The following SCO1 variants were observed in gnomAD, a reference collection of about 807,000 sequenced individuals.
The protein encoded by SCO1 is cytochrome c oxidase assembly factor SCO1.
A neutral mutation model predicts 34.0 loss-of-function variants in SCO1; 23 were observed. The observed-to-expected ratio is 0.68, with a 90% CI of 0.49 to 0.96. SCO1 has a LOEUF of 0.96. Ranked by LOEUF, SCO1 falls within the 40% of genes least tolerant of loss-of-function variation. The pLI, the probability that SCO1 is intolerant of heterozygous loss-of-function variation, is 0.00. For synonymous variants in SCO1, 161 were observed against 145.5 expected, an observed-to-expected ratio of 1.11 and a Z score of -0.77; for missense variants, 404 against 381.6, an observed-to-expected ratio of 1.06 and a Z score of -0.49.
chr17:10,694,180 A>G (rs2074707981), intron 2 of SCO1, among the ~76,000 whole-genome samples: 1 of 152,252 alleles, frequency 6.6e-6, no homozygotes, highest in Non-Finnish European at 1.5e-5. Context: ...AATGACCTGA[A>G]TGAGGAAACA....
At position 10,695,725 on chromosome 17, in the gene SCO1, A is replaced by G; in HGVS notation, c.364+16T>C. On this transcript the variant is annotated intron_variant, in intron 2 of 5. Transcript: ENST00000255390. ...AAGACCTTTATACAGGGCTGAGCAG[A>G]TGATAATCTACTTACTCTCTGCCTT... 6.4e-7 allele frequency: 1 copy of G among 1,567,640 alleles called. No homozygotes were observed. The highest frequency in any genetic ancestry group is 1.1e-5 in the South Asian group (1 of 90,108).
rs1353737540 is a variant in SCO1, at chr17:10,680,083, T to G, written c.*1036A>C. Reference sequence around the variant, plus strand: ...GGCATTAGCCATTGTGCCAGGCAAGTTATTTCCCCAAAAAACACTTTCTTA... The same window carrying G: ...GGCATTAGCCATTGTGCCAGGCAAGGTATTTCCCCAAAAAACACTTTCTTA... On this transcript the variant is annotated 3_prime_UTR_variant, in exon 6 of 6. Transcript: ENST00000255390. The G allele has an allele frequency of 6.6e-6, 1 of 152,244 alleles. No homozygotes were observed. Among genetic ancestry groups the G allele is most frequent in the African/African-American group, 2.4e-5 (1 of 41,432 alleles). The allele number at this position is 152,244 out of a possible 1,614,324, so 9.4% of individuals were successfully genotyped here. A position where few individuals can be genotyped will look rare whatever the true frequency, so the allele number is the denominator to read the frequency against.
intron 4 of SCO1, among the ~76,000 whole-genome samples, chr17:10,691,391 G>A (rs920476311): frequency 6.6e-6 from 1 of 152,180 alleles, no homozygotes; most frequent in Admixed American, 6.5e-5. Context: ...AAAGTGCTGG[G>A]ATTACAGGCC....
chr17:10,683,565 T>C (rs1189269629), intron 5 of SCO1, among the ~76,000 whole-genome samples: 2 of 152,124 alleles, frequency 1.3e-5, no homozygotes, highest in African/African-American at 4.8e-5. Context: ...TTTTCCAATT[T>C]CGACAATATA....
At chr17:10,688,084 C>T (rs1305513842) in intron 4 of SCO1, among the ~76,000 whole-genome samples, 8 of 152,158 alleles carry the variant, frequency 5.3e-5, no homozygotes, top group Non-Finnish European at 7.4e-5. Flanking sequence ...CATAAACCTT[C>T]GTAACCTTAG....
Position 10,695,742 on chromosome 17 carries a change from C to G in SCO1, c.363G>C (p.Glu121Asp), listed in dbSNP as rs934084426. The change falls in exon 2 of 6, where the codon GAG becomes GAC. Residue 121 changes from glutamate to aspartate, a missense_variant and splice_region_variant. Transcript: ENST00000255390. ...GMKHVKKEKA[E>D]KLEKERQRHI... ...CTGAGCAGATGATAATCTACTTACT[C>G]TCTGCCTTTTCTTTCTTGACGTGCT... 2 of 1,603,236 alleles carry G rather than the reference C, an allele frequency of 1.2e-6. No individual in the cohort carries two copies. The highest frequency in any genetic ancestry group is 2.7e-5 in the African/African-American group (2 of 74,694).
chr17:10,695,867 G>T (rs2074719772), intron 1 of SCO1, 36 bp from the exon 2 acceptor site: 1 of 1,462,116 alleles, frequency 6.8e-7, no homozygotes, highest in East Asian at 2.3e-5. Context: ...AAAAATTCTA[G>T]TAAGATGCAA....
intron 5 of SCO1, among the ~76,000 whole-genome samples, chr17:10,681,739 T>C (rs2074623308): frequency 6.6e-6 from 1 of 152,256 alleles, no homozygotes; most frequent in Non-Finnish European, 1.5e-5. Context: ...TTGGGTTTAT[T>C]CATGTTTTAG....
At chr17:10,689,871 C>A (rs2074679717) in intron 4 of SCO1, among the ~76,000 whole-genome samples, 1 of 152,010 alleles carries the variant, frequency 6.6e-6, no homozygotes, top group South Asian at 2.1e-4. Context: ...GACACACAGA[C>A]CAATGGAACA....
intron 2 of SCO1, among the ~76,000 whole-genome samples, chr17:10,693,312 T>C (rs1469426743): frequency 6.6e-6 from 1 of 152,128 alleles, no homozygotes; most frequent in African/African-American, 2.4e-5. Flanking sequence ...GTGGGTGGCC[T>C]GGCATAGGGA....
In SCO1 at chr17:10,697,433, G is replaced by T. The variant is rs754499153; in HGVS notation, c.75C>A (p.Arg25=). 2.5e-6 allele frequency: 4 copies of T among 1,612,034 alleles called. No homozygotes were observed. The highest frequency in any genetic ancestry group is 3.4e-6 in the Non-Finnish European group (4 of 1,179,404). ...LGGQLWRFLP[R]GLEFWGPAEG... ...CGGCTGGGCCCCAAAACTCGAGTCCGCGAGGCAAGAAGCGCCAAAGTTGGC... is the reference window on the plus strand; with the variant it reads ...CGGCTGGGCCCCAAAACTCGAGTCCTCGAGGCAAGAAGCGCCAAAGTTGGC... The change falls in exon 1 of 6, where the codon CGC becomes CGA. Residue 25 remains arginine (R), a synonymous_variant. Coordinates refer to ENST00000255390, the MANE Select transcript of SCO1 (RefSeq NM_004589.4).
chr17:10,697,104 T>A lies in SCO1; in HGVS notation c.273+131A>T, dbSNP rs998717503. The A allele has an allele frequency of 8.2e-6, 7 of 858,438 alleles. No individual in the cohort carries two copies. In the Admixed American group the frequency reaches 2.1e-4, roughly 25 times the overall value. The allele number at this position is 858,438 out of a possible 1,614,324, so 53.2% of individuals were successfully genotyped here. On this transcript the variant is annotated intron_variant, in intron 1 of 5. Transcript: ENST00000255390. ...GTAGGATGAAATTCCATGACCCAGG[T>A]AAGGCGCGCAAGCTAAGGACAACTT... is the stretch of plus-strand genomic sequence containing the variant.
chr17:10,697,098 C>G (rs2074734878), intron 1 of SCO1, 137 bp downstream of exon 1: 1 of 820,760 alleles, frequency 1.2e-6, no homozygotes, highest in African/African-American at 1.7e-5. Context: ...AATTCCATGA[C>G]CCAGGTAAGG....
At position 10,681,271 on chromosome 17, in the gene SCO1, G is replaced by C; in HGVS notation, c.772-18C>G. ...TGATCCACCTGCAGAGAAAAGGGGG[G>C]AGAGTGTGACAAAGATTACCAAAAT... On this transcript the variant is annotated intron_variant, in intron 5 of 5. Transcript: ENST00000255390. 1 of 1,613,436 alleles carries C rather than the reference G, an allele frequency of 6.2e-7. No homozygotes were observed. The highest frequency in any genetic ancestry group is 8.5e-7 in the Non-Finnish European group (1 of 1,179,706).
chr17:10,685,850 T>C (rs2074652002), intron 5 of SCO1, among the ~76,000 whole-genome samples: 1 of 152,234 alleles, frequency 6.6e-6, no homozygotes, highest in South Asian at 2.1e-4. Context: ...TAAACTGCCC[T>C]AAAATCCTAT....
intron 4 of SCO1, 68 bp downstream of exon 4, chr17:10,691,804 G>A (rs1597509340): frequency 5.1e-6 from 5 of 979,432 alleles, no homozygotes; most frequent in Non-Finnish European, 8.1e-6. Context: ...GCACTGTAAG[G>A]TTCAAATGAA....
In SCO1 at chr17:10,674,413, C is replaced by T. The variant is rs142934568; in HGVS notation, c.*6706G>A. 1,192 of 281,250 alleles carry T rather than the reference C, an allele frequency of 4.2e-3. 1 individual carries two copies. Among genetic ancestry groups the T allele is most frequent in the Non-Finnish European group, 5.8e-3 (821 of 141,120 alleles). The allele number at this position is 281,250 out of a possible 1,614,324, so 17.4% of individuals were successfully genotyped here. ...TGCTCTCCAGCCTAGGCAACAAGAGCGAAACTCCATCTCAAAACAAACAAA... is the reference window on the plus strand; with the variant it reads ...TGCTCTCCAGCCTAGGCAACAAGAGTGAAACTCCATCTCAAAACAAACAAA... On this transcript the variant is annotated 3_prime_UTR_variant, in exon 6 of 6. Coordinates refer to ENST00000255390, the MANE Select transcript of SCO1 (RefSeq NM_004589.4).
Position 10,679,506 on chromosome 17 carries a change from C to A in SCO1, c.*1613G>T, listed in dbSNP as rs543696423. 53 of 152,190 alleles carry A rather than the reference C, an allele frequency of 3.5e-4. No homozygotes were observed. Among genetic ancestry groups the A allele is most frequent in the African/African-American group, 1.2e-3 (50 of 41,522 alleles). The allele number at this position is 152,190 out of a possible 1,614,324, so 9.4% of individuals were successfully genotyped here. ...AAAACCAAAAGACCTCTATCATGTG[C>A]GTGTAGAAACATATCATGTAAAAAG... On this transcript the variant is annotated 3_prime_UTR_variant, in exon 6 of 6. Coordinates refer to ENST00000255390, the MANE Select transcript of SCO1 (RefSeq NM_004589.4).
chr17:10,680,709 T>C lies in SCO1; in HGVS notation c.*410A>G. On this transcript the variant is annotated 3_prime_UTR_variant, in exon 6 of 6. Transcript: ENST00000255390. ...AGGCAAGCAAGAGCACTATGGAAAT[T>C]ATATTCTTTTCTGTGAAATTCAGTC... is the stretch of plus-strand genomic sequence containing the variant. 1 of 245,030 alleles carries C rather than the reference T, an allele frequency of 4.1e-6. No homozygotes were observed. The highest frequency in any genetic ancestry group is 8.1e-6 in the Non-Finnish European group (1 of 123,742). 15.2% of individuals were successfully genotyped at this position (245,030 alleles called of 1,614,324 possible).
Sources: gnomAD v4.1 joint callset for allele counts (sites outside exome capture counted in the v4.1 genomes callset) on GRCh38, gnomAD v4.1.1 for gene constraint, MANE v1.5 for transcripts, NCBI Gene and HGNC (gene_info 2026-07-23, HGNC 2026-07-21) for gene names.